CSE1L: variants seen among roughly 807,000 people sequenced by gnomAD.
CSE1L encodes chromosome segregation 1 like.
CSE1L carries 24 observed loss-of-function variants against 120.4 expected under a neutral mutation model. The observed-to-expected ratio is 0.20, with a 90% confidence interval of 0.14 to 0.28. The LOEUF (loss-of-function observed/expected upper bound fraction) is 0.28, where lower values mean the gene tolerates loss of function less well. Ranked by LOEUF, CSE1L falls within the 10% of genes least tolerant of loss-of-function variation. CSE1L has a pLI of 1.00. For missense variants in CSE1L, 830 were observed against 1,145.2 expected (o/e 0.72, Z 3.97); for synonymous variants, 402 against 398.3 (o/e 1.01, Z -0.11).
intron 8 of CSE1L, 126 bp downstream of exon 8, chr20:49,070,423 A>T (rs2091923610): frequency 1.8e-6 from 1 of 561,668 alleles, no homozygotes; most frequent in Non-Finnish European, 3.1e-6. Flanking sequence ...ATAATATTTG[A>T]TTCTATTTGA....
At chr20:49,048,317 G>A (rs2091738154) in intron 1 of CSE1L, among the ~76,000 whole-genome samples, 1 of 152,108 alleles carries the variant, frequency 6.6e-6, no homozygotes. Flanking sequence ...GGATGCAAGA[G>A]CAGTGCTCTA....
chr20:49,072,179 AT>A, intron 8 of CSE1L, 106 bp from the exon 9 acceptor site: 1 of 1,194,282 alleles, frequency 8.4e-7, no homozygotes, highest in Non-Finnish European at 1.2e-6. Flanking sequence ...AACTGATTTG[AT>A]TTGGATTTAA....
At chr20:49,094,329 T>G in intron 23 of CSE1L, 43 bp downstream of exon 23, 2 of 1,582,372 alleles carry the variant, frequency 1.3e-6, no homozygotes, top group Non-Finnish European at 1.7e-6. Flanking sequence ...ACAGCTTCCT[T>G]CCCATATGAC....
At chr20:49,059,472 TAGCTAA>T (rs2091834970) in intron 2 of CSE1L, among the ~76,000 whole-genome samples, 1 of 152,204 alleles carries the variant, frequency 6.6e-6, no homozygotes, top group Non-Finnish European at 1.5e-5. Flanking sequence ...TTTTTGGAAC[TAGCTAA>T]TTTTGGGGAT....
chr20:49,087,229 C>A (rs1331662393), intron 16 of CSE1L, among the ~76,000 whole-genome samples: 1 of 151,818 alleles, frequency 6.6e-6, no homozygotes, highest in Non-Finnish European at 1.5e-5. Context: ...TTTTTAGGCT[C>A]CTAATCTCTT....
intron 12 of CSE1L, among the ~76,000 whole-genome samples, chr20:49,076,403 C>T (rs2091968484): frequency 6.6e-6 from 1 of 151,252 alleles, no homozygotes; most frequent in Non-Finnish European, 1.5e-5. Flanking sequence ...TCAGGCTGTT[C>T]TTGAACTCCT....
At chr20:49,058,047 C>T (rs1301941059) in intron 1 of CSE1L, among the ~76,000 whole-genome samples, 1 of 152,174 alleles carries the variant, frequency 6.6e-6, no homozygotes, top group African/African-American at 2.4e-5. Context: ...TCGGGATTTA[C>T]AGGCCTGAGC....
rs2091864994 is a variant in CSE1L at position 49,063,133 on chromosome 20, T to C, written c.86-69T>C. On this transcript the variant is annotated intron_variant, in intron 2 of 24. Coordinates refer to ENST00000262982, the MANE Select transcript of CSE1L (RefSeq NM_001316.4). Reference sequence around the variant, plus strand: ...TCTTTTTTTGATTTTTTTTTATATATATATATTTGATATATATAAGGTGGA... The same window carrying C: ...TCTTTTTTTGATTTTTTTTTATATACATATATTTGATATATATAAGGTGGA... The C allele has an allele frequency of 3.8e-5, 30 of 798,922 alleles. No individual in the cohort carries two copies. The East Asian group carries it at 1.1e-3, about 30-fold the overall frequency. 49.5% of individuals were successfully genotyped at this position (798,922 alleles called of 1,614,324 possible). A position where few individuals can be genotyped will look rare whatever the true frequency, so the allele number is the denominator to read the frequency against.
intron 3 of CSE1L, among the ~76,000 whole-genome samples, chr20:49,064,549 A>C (rs2091876437): frequency 6.6e-6 from 1 of 152,038 alleles, no homozygotes; most frequent in South Asian, 2.1e-4. Context: ...ATCTTTCCAA[A>C]AAATACAAAA....
intron 8 of CSE1L, among the ~76,000 whole-genome samples, chr20:49,071,779 G>A (rs920650178): frequency 1.3e-4 from 20 of 151,960 alleles, no homozygotes; most frequent in East Asian, 1.9e-4. Context: ...TGGCTAACAC[G>A]GTGAAACCCC....
At chr20:49,078,488 TG>T in intron 13 of CSE1L, 72 bp from the exon 14 acceptor site, 1 of 964,144 alleles carries the variant, frequency 1.0e-6, no homozygotes, top group Non-Finnish European at 1.6e-6. Flanking sequence ...TTTATAACTC[TG>T]ATGATGTCAC....
At chr20:49,083,649 G>A (rs1199779429) in intron 14 of CSE1L, among the ~76,000 whole-genome samples, 1 of 152,120 alleles carries the variant, frequency 6.6e-6, no homozygotes, top group African/African-American at 2.4e-5. Flanking sequence ...TTGCTTTTTG[G>A]GGGTGGGAAG....
chr20:49,069,833 ATTAGT>A (rs1339066051), intron 7 of CSE1L, among the ~76,000 whole-genome samples: 1 of 152,268 alleles, frequency 6.6e-6, no homozygotes, highest in African/African-American at 2.4e-5. Flanking sequence ...CTAAAAGACA[ATTAGT>A]TTATCTGCCT....
At chr20:49,054,326 G>A (rs1216248326) in intron 1 of CSE1L, among the ~76,000 whole-genome samples, 1 of 152,166 alleles carries the variant, frequency 6.6e-6, no homozygotes, top group African/African-American at 2.4e-5. Flanking sequence ...CCCTGCATAA[G>A]CACAGCATTA....
chr20:49,094,086 C>T, intron 22 of CSE1L, 54 bp from the exon 23 acceptor site: 3 of 1,103,134 alleles, frequency 2.7e-6, no homozygotes, highest in Non-Finnish European at 3.9e-6. Context: ...AAGCATTTTA[C>T]TATTTCATTA....
intron 6 of CSE1L, among the ~76,000 whole-genome samples, chr20:49,067,628 T>TTA (rs1185934386): frequency 6.6e-6 from 1 of 152,100 alleles, no homozygotes; most frequent in African/African-American, 2.4e-5. Context: ...GTTTAATTAA[T>TTA]TATATATTTA....
intron 3 of CSE1L, 45 bp from the exon 4 acceptor site, chr20:49,066,147 A>G (rs768499366): frequency 4.8e-6 from 7 of 1,470,798 alleles, no homozygotes; most frequent in Non-Finnish European, 6.6e-6. Context: ...TGTGGACATG[A>G]ATGTGGATTT....
chr20:49,054,558 A>G (rs2091792098), intron 1 of CSE1L, among the ~76,000 whole-genome samples: 1 of 152,214 alleles, frequency 6.6e-6, no homozygotes, highest in Non-Finnish European at 1.5e-5. Context: ...TAGTTAATAT[A>G]TGTCAACCTG....
intron 5 of CSE1L, 100 bp downstream of exon 5, chr20:49,066,610 T>A (rs2091894242): frequency 9.3e-7 from 1 of 1,074,402 alleles, no homozygotes; most frequent in East Asian, 2.5e-5. Context: ...CCTTTGAATC[T>A]GATCATCTTG....
Sources: allele counts gnomAD v4.1 joint callset (sites outside exome capture counted in the v4.1 genomes callset), GRCh38; gene constraint gnomAD v4.1.1; transcripts MANE v1.5; gene names NCBI Gene and HGNC (gene_info 2026-07-23, HGNC 2026-07-21).